PLOD1: variants seen among roughly 807,000 people sequenced by gnomAD.
PLOD1 encodes the protein procollagen-lysine,2-oxoglutarate 5-dioxygenase 1.
A neutral mutation model predicts 94.7 loss-of-function variants in PLOD1; 70 were observed. The observed-to-expected ratio is 0.74, with a 90% CI of 0.61 to 0.90. The LOEUF is 0.90. PLOD1 is among the 40% of genes least tolerant of loss of function. The pLI is 0.00. For synonymous variants in PLOD1, 417 were observed against 400.2 expected (o/e 1.04, Z -0.50); for missense variants, 905 against 972.7 (o/e 0.93, Z 0.93).
In PLOD1 at chr1:11,954,661, T is replaced by C. The variant is rs529119793; in HGVS notation, c.580-169T>C. ...CCACTAGACTGTAGACCCCAGGAGC[T>C]TGGCTGCTGGCCTTCTCTGGGCACC... On this transcript the variant is annotated intron_variant, in intron 5 of 18. Transcript: ENST00000196061. The C allele has an allele frequency of 1.5e-3, 1,181 of 773,376 alleles. 1 individual carries two copies. Among genetic ancestry groups the C allele is most frequent in the Non-Finnish European group, 2.6e-3 (1,059 of 414,600 alleles). The allele number at this position is 773,376 out of a possible 1,614,324, so 47.9% of individuals were successfully genotyped here. A position where few individuals can be genotyped will look rare whatever the true frequency, so the allele number is the denominator to read the frequency against.
At chr1:11,950,544 C>T in intron 4 of PLOD1, 24 bp downstream of exon 4, 1 of 1,610,896 alleles carries the variant, frequency 6.2e-7, no homozygotes, top group South Asian at 1.1e-5. Flanking sequence ...GTGCAGGGCG[C>T]TTGGCCCAGC....
In PLOD1 at chr1:11,956,927, G is replaced by A; in HGVS notation, c.654G>A (p.Val218=). 3 of 1,612,850 alleles carry A rather than the reference G, an allele frequency of 1.9e-6. No homozygotes were observed. The highest frequency in any genetic ancestry group is 2.5e-6 in the Non-Finnish European group (3 of 1,178,904). ...CTTTCTGACCCCCAGATGAGGTCGTGCTCAAGTTTGAAATGGGCCATGTGA... is the reference window on the plus strand; with the variant it reads ...CTTTCTGACCCCCAGATGAGGTCGTACTCAAGTTTGAAATGGGCCATGTGA... ...QNLDGALDEV[V]LKFEMGHVRA... is the part of the protein sequence containing the mutation. Residue 218 remains valine (V), a synonymous_variant, in exon 7 of 19, where the codon GTG becomes GTA. Coordinates refer to ENST00000196061, the MANE Select transcript of PLOD1 (RefSeq NM_000302.4).
chr1:11,945,437 C>A (rs200054534), intron 1 of PLOD1, among the ~76,000 whole-genome samples: 1 of 141,908 alleles, frequency 7.0e-6, no homozygotes, highest in Non-Finnish European at 1.5e-5. Flanking sequence ...AAAAAAAAAA[C>A]CCAAAAAACA....
At chr1:11,965,085 T>G (rs143801575) in intron 13 of PLOD1, among the ~76,000 whole-genome samples, 1 of 152,004 alleles carries the variant, frequency 6.6e-6, no homozygotes, top group Non-Finnish European at 1.5e-5. Flanking sequence ...CTAAAGGTAC[T>G]CCAAGTGATG....
At chr1:11,968,864 T>C (rs1451773219) in intron 16 of PLOD1, among the ~76,000 whole-genome samples, 2 of 140,160 alleles carry the variant, frequency 1.4e-5, no homozygotes, top group African/African-American at 5.4e-5. Context: ...TTTGGTGAAG[T>C]GGAGCCTCGC....
intron 1 of PLOD1, among the ~76,000 whole-genome samples, chr1:11,945,432 A>AT (rs1277425520): frequency 6.6e-6 from 1 of 151,146 alleles, no homozygotes; most frequent in African/African-American, 2.4e-5. Context: ...TCTCAAAAAA[A>AT]AAAACCCAAA....
intron 10 of PLOD1, among the ~76,000 whole-genome samples, chr1:11,962,807 G>A (rs1003326911): frequency 2.0e-4 from 30 of 152,090 alleles, no homozygotes; most frequent in Non-Finnish European, 3.1e-4. Flanking sequence ...TTGGGAGGCC[G>A]AGGCGGGCAG....
chr1:11,947,040 G>A (rs928082744), intron 1 of PLOD1, among the ~76,000 whole-genome samples: 2 of 152,076 alleles, frequency 1.3e-5, no homozygotes, highest in Admixed American at 6.6e-5. Context: ...AGGCCAAGGC[G>A]TGTGGATCAT....
Position 11,966,347 on chromosome 1 carries a change from C to A in PLOD1, c.1650+31C>A, listed in dbSNP as rs181227488. ...GGCCATGGACACCCTCTTGGACCAGCCTTGCCTGCTGCAGGGGGCAGGGCA... is the reference window on the plus strand; with the variant it reads ...GGCCATGGACACCCTCTTGGACCAGACTTGCCTGCTGCAGGGGGCAGGGCA... On this transcript the variant is annotated intron_variant, in intron 15 of 18. Coordinates refer to ENST00000196061, the MANE Select transcript of PLOD1 (RefSeq NM_000302.4). 8.9e-4 allele frequency: 1,368 copies of A among 1,541,562 alleles called. 15 individuals carry two copies. The African/African-American group carries it at 0.017, about 19-fold the overall frequency.
chr1:11,958,793 A>T lies in PLOD1; in HGVS notation c.975+146A>T. The T allele has an allele frequency of 1.1e-6, 1 of 938,886 alleles. No homozygotes were observed. The highest frequency in any genetic ancestry group is 1.7e-6 in the Non-Finnish European group (1 of 601,708). The allele number at this position is 938,886 out of a possible 1,614,324, so 58.2% of individuals were successfully genotyped here. On this transcript the variant is annotated intron_variant, in intron 9 of 18. Transcript: ENST00000196061. The surrounding 1 kb of genome is among the most constrained non-coding windows in gnomAD (Gnocchi z 4.3). ...CACCAGTGGACTGTGTCCCCAAATC[A>T]CTGAGTTAACTTTGGAGTCAGACTG... is the stretch of plus-strand genomic sequence containing the variant.
chr1:11,934,912 G>A (rs544632796), intron 1 of PLOD1, 57 bp downstream of exon 1: 3 of 1,512,536 alleles, frequency 2.0e-6, no homozygotes, highest in Non-Finnish European at 2.6e-6. Flanking sequence ...GGCTGGTGTC[G>A]GGCTGCCTCC....
rs181746487 is a variant in PLOD1, at chr1:11,939,504, C to G, written c.76+4649C>G. Among the ~76,000 whole-genome samples, 123 of 152,266 alleles carry G rather than the reference C, an allele frequency of 8.1e-4. No individual in the cohort carries two copies. The Middle Eastern group carries it at 0.01, about 13-fold the overall frequency. ...GACTGCTTGGGGAGGAGGGGGCATC[C>G]GGTGGCACAGTCAAACCAGGGGTGC... On this transcript the variant is annotated intron_variant, in intron 1 of 18. Transcript: ENST00000196061.
In PLOD1 at chr1:11,944,589, C is replaced by T. The variant is rs552200340; in HGVS notation, c.77-3387C>T. 86 of 1,362,218 alleles carry T rather than the reference C, an allele frequency of 6.3e-5. No individual in the cohort carries two copies. In the East Asian group the frequency reaches 7.8e-4, roughly 12 times the overall value. The allele number at this position is 1,362,218 out of a possible 1,614,324, so 84.4% of individuals were successfully genotyped here. Reference sequence around the variant, plus strand: ...CTCTTCACCTGGGGAGAGACTTCACCGTCCTGGCAGGAGCTCGGGGGAGCC... The same window carrying T: ...CTCTTCACCTGGGGAGAGACTTCACTGTCCTGGCAGGAGCTCGGGGGAGCC... On this transcript the variant is annotated intron_variant, in intron 1 of 18. Coordinates refer to ENST00000196061, the MANE Select transcript of PLOD1 (RefSeq NM_000302.4).
intron 1 of PLOD1, among the ~76,000 whole-genome samples, chr1:11,943,424 G>A (rs1049133032): frequency 1.3e-5 from 2 of 151,744 alleles, no homozygotes; most frequent in African/African-American, 4.8e-5. Flanking sequence ...AGCCTCACGA[G>A]TAGTTGGGAT....
At chr1:11,969,919 CA>C (rs1266357215) in intron 16 of PLOD1, among the ~76,000 whole-genome samples, 1 of 151,950 alleles carries the variant, frequency 6.6e-6, no homozygotes, top group Non-Finnish European at 1.5e-5. Context: ...CCAGCCTGGG[CA>C]ACATAGTGAG....
At chr1:11,964,543 C>T in intron 12 of PLOD1, 101 bp from the exon 13 acceptor site, 3 of 1,235,270 alleles carry the variant, frequency 2.4e-6, no homozygotes, top group Non-Finnish European at 3.6e-6. Context: ...CCTTCTCACA[C>T]CCAGACTCCA....
intron 3 of PLOD1, among the ~76,000 whole-genome samples, chr1:11,950,121 TTAAG>T (rs1018852701): frequency 6.6e-6 from 1 of 152,076 alleles, no homozygotes; most frequent in African/African-American, 2.4e-5. Context: ...TGGGCCCCCT[TTAAG>T]TAAGAGAAGA....
At position 11,966,262 on chromosome 1, in the gene PLOD1, G is replaced by A; in HGVS notation, c.1596G>A (p.Glu532=). 2.5e-6 allele frequency: 4 copies of A among 1,606,298 alleles called. No homozygotes were observed. The highest frequency in any genetic ancestry group is 3.4e-6 in the Non-Finnish European group (4 of 1,176,336). The change falls in exon 15 of 19, where the codon GAG becomes GAA. Residue 532 remains glutamate, a synonymous_variant. Coordinates refer to ENST00000196061, the MANE Select transcript of PLOD1 (RefSeq NM_000302.4). The part of the protein sequence containing the change: ...EVFSNPEDWK[E]KYIHQNYTKA... ...CCCACTTCCCACAGGACTGGAAGGA[G>A]AAGTACATCCACCAGAACTACACCA...
At chr1:11,947,281 C>T (rs115101737) in intron 1 of PLOD1, among the ~76,000 whole-genome samples, 6,430 of 150,298 alleles carry the variant, frequency 0.043, 447 homozygotes, top group African/African-American at 0.15. Flanking sequence ...AAAAAACAAC[C>T]CAGCTCTCTT....
Sources: allele counts gnomAD v4.1 joint callset (sites outside exome capture counted in the v4.1 genomes callset), GRCh38; gene constraint gnomAD v4.1.1; non-coding constraint Gnocchi (gnomAD v3.1); transcripts MANE v1.5; gene names NCBI Gene and HGNC (gene_info 2026-07-23, HGNC 2026-07-21).